The following IL1RAPL1 variants were observed in gnomAD, a reference collection of about 807,000 sequenced individuals.
IL1RAPL1 encodes interleukin 1 receptor accessory protein like 1, also known as interleukin-1 receptor accessory protein-like 1.
IL1RAPL1 carries 3 observed loss-of-function variants against 48.4 expected under a neutral mutation model. The ratio of observed to expected loss-of-function variants is 0.06; its 90% CI spans 0.03 to 0.16. The LOEUF (loss-of-function observed/expected upper bound fraction) is 0.16. Among genes scored for constraint, IL1RAPL1 ranks in the 10% least tolerant of loss-of-function variants. The probability of loss-of-function intolerance (pLI) is 1.00; values close to 1 mark genes in which losing one functional copy is unlikely to be tolerated. For missense variants in IL1RAPL1, 349 were observed against 530.6 expected, an observed-to-expected ratio of 0.66 and a Z score of 3.36; for synonymous variants, 185 against 187.7, an observed-to-expected ratio of 0.99 and a Z score of 0.12.
At chrX:29,524,098 A>G (rs1935529219) in intron 5 of IL1RAPL1, among the ~76,000 whole-genome samples, 1 of 110,410 alleles carries the variant, frequency 9.1e-6, no homozygotes, top group African/African-American at 3.3e-5. Context: ...AGTCACCATT[A>G]AAATGTGTAG....
intron 2 of IL1RAPL1, among the ~76,000 whole-genome samples, chrX:28,994,817 AAATTT>A (rs757805283): frequency 6.8e-4 from 76 of 112,027 alleles, no homozygotes; most frequent in Non-Finnish European, 1.1e-3. Context: ...AGCATATGGC[AAATTT>A]AATTAAAATA....
At chrX:29,112,793 GTTTTTTTTTTTT>G (rs774106013) in intron 2 of IL1RAPL1, among the ~76,000 whole-genome samples, 1 of 71,315 alleles carries the variant, frequency 1.4e-5, no homozygotes, top group Non-Finnish European at 2.5e-5. Flanking sequence ...GTCAACTTTG[GTTTTTTTTTTTT>G]TTTTTTTTTC....
intron 5 of IL1RAPL1, among the ~76,000 whole-genome samples, chrX:29,415,237 A>C (rs5927483): frequency 0.39 from 42,700 of 109,887 alleles, 6,758 homozygotes; most frequent in Middle Eastern, 0.55. Context: ...ACCACTAAAA[A>C]CTGTTTAAAA....
intron 3 of IL1RAPL1, among the ~76,000 whole-genome samples, chrX:29,384,497 A>G (rs1332542731): frequency 8.9e-6 from 1 of 112,480 alleles, no homozygotes; most frequent in East Asian, 2.8e-4. Flanking sequence ...AAGACAAAGA[A>G]AAGATCAGTT....
intron 5 of IL1RAPL1, among the ~76,000 whole-genome samples, chrX:29,515,169 C>A (rs1019679208): frequency 1.8e-5 from 2 of 112,423 alleles, no homozygotes; most frequent in African/African-American, 6.5e-5. Context: ...TTTAGTTAAA[C>A]TTTCTACTTT....
intron 3 of IL1RAPL1, among the ~76,000 whole-genome samples, chrX:29,296,389 G>A (rs1329476125): frequency 1.8e-5 from 2 of 111,421 alleles, no homozygotes; most frequent in Non-Finnish European, 3.8e-5. Flanking sequence ...AAAATTAGTA[G>A]CCATTTTTGT....
At chrX:28,643,034 G>T (rs1419857229) in intron 1 of IL1RAPL1, among the ~76,000 whole-genome samples, 1 of 110,755 alleles carries the variant, frequency 9.0e-6, no homozygotes, top group East Asian at 2.9e-4. Flanking sequence ...GATTACAGGC[G>T]TGTGCCACCA....
At chrX:29,511,139 A>G (rs1935389654) in intron 5 of IL1RAPL1, among the ~76,000 whole-genome samples, 1 of 112,097 alleles carries the variant, frequency 8.9e-6, no homozygotes, top group Non-Finnish European at 1.9e-5. Flanking sequence ...GTATGTAACT[A>G]TTATCATTTC....
chrX:29,422,295 A>T (rs1934299878), intron 5 of IL1RAPL1, among the ~76,000 whole-genome samples: 1 of 111,628 alleles, frequency 9.0e-6, no homozygotes, highest in Non-Finnish European at 1.9e-5. Flanking sequence ...TTCAAAGAAC[A>T]GCTTCCTCCT....
At chrX:29,314,296 G>A (rs995541746) in intron 3 of IL1RAPL1, among the ~76,000 whole-genome samples, 3 of 111,777 alleles carry the variant, frequency 2.7e-5, no homozygotes, top group African/African-American at 9.8e-5. Context: ...GATTGAAATT[G>A]GGCAAAATCC....
At chrX:29,635,946 A>G (rs1488807400) in intron 5 of IL1RAPL1, among the ~76,000 whole-genome samples, 1 of 111,494 alleles carries the variant, frequency 9.0e-6, no homozygotes, top group African/African-American at 3.3e-5. Flanking sequence ...AATCCCTTCA[A>G]AAATATAGGA....
intron 2 of IL1RAPL1, among the ~76,000 whole-genome samples, chrX:28,851,583 A>G (rs1921664273): frequency 8.9e-6 from 1 of 111,830 alleles, no homozygotes; most frequent in Non-Finnish European, 1.9e-5. Flanking sequence ...AATCTGGAGA[A>G]TCTCTGAGCA....
chrX:28,891,798 G>A (rs1922776708), intron 2 of IL1RAPL1, among the ~76,000 whole-genome samples: 1 of 111,282 alleles, frequency 9.0e-6, no homozygotes, highest in African/African-American at 3.3e-5. Flanking sequence ...TGAGGAACCA[G>A]ATTTACCAAA....
chrX:29,937,616 T>A (rs1161580758), intron 8 of IL1RAPL1, among the ~76,000 whole-genome samples: 4 of 111,895 alleles, frequency 3.6e-5, no homozygotes, highest in Admixed American at 9.5e-5. Context: ...AGAAAAAAAA[T>A]TTAACTTGCA....
chrX:29,503,016 A>G (rs759310904), intron 5 of IL1RAPL1, among the ~76,000 whole-genome samples: 1 of 111,510 alleles, frequency 9.0e-6, no homozygotes, highest in Admixed American at 9.5e-5. Flanking sequence ...TCATAGTTCA[A>G]TATTCATAGG....
chrX:29,143,270 TATG>T (rs1183169400), intron 2 of IL1RAPL1, among the ~76,000 whole-genome samples: 1 of 111,502 alleles, frequency 9.0e-6, no homozygotes, highest in African/African-American at 3.3e-5. Flanking sequence ...CACTTTTTGA[TATG>T]ATAAGAAAAG....
intron 5 of IL1RAPL1, among the ~76,000 whole-genome samples, chrX:29,437,089 T>G (rs566900436): frequency 9.0e-6 from 1 of 111,389 alleles, no homozygotes; most frequent in Middle Eastern, 4.6e-3. Context: ...ATAAGAAAAT[T>G]ATTTAATTTT....
chrX:29,657,986 A>C (rs1048864780), intron 5 of IL1RAPL1, among the ~76,000 whole-genome samples: 1 of 110,497 alleles, frequency 9.1e-6, no homozygotes, highest in African/African-American at 3.3e-5. Context: ...TTTTCTCACC[A>C]TTTTTTCTTT....
chrX:29,554,345 A>G (rs1921922800), intron 5 of IL1RAPL1, among the ~76,000 whole-genome samples: 2 of 111,694 alleles, frequency 1.8e-5, no homozygotes, highest in Non-Finnish European at 3.8e-5. Context: ...ATATTCATAC[A>G]TATTTGAGTG....
Sources: allele counts gnomAD v4.1 joint callset (sites outside exome capture counted in the v4.1 genomes callset), GRCh38; gene constraint gnomAD v4.1.1; transcripts MANE v1.5; gene names NCBI Gene and HGNC (gene_info 2026-07-23, HGNC 2026-07-21).